The following SUN3 variants were observed in gnomAD, a reference collection of about 807,000 sequenced individuals.
SUN3 encodes Sad1 and UNC84 domain containing 3.
A neutral mutation model predicts 48.2 loss-of-function variants in SUN3; 36 were observed. That is an observed-to-expected ratio of 0.75 (90% CI 0.57 to 0.99). The LOEUF is 0.99. Ranked by LOEUF, SUN3 falls within the 50% of genes least tolerant of loss-of-function variation. The pLI is 0.00. For synonymous variants in SUN3, 148 were observed against 147.9 expected, an observed-to-expected ratio of 1.00 and a Z score of 0.00; for missense variants, 419 against 433.1, an observed-to-expected ratio of 0.97 and a Z score of 0.29.
chr7:47,987,720 G>A (rs1250147682), intron 9 of SUN3, among the ~76,000 whole-genome samples: 1 of 152,070 alleles, frequency 6.6e-6, no homozygotes. Flanking sequence ...TTTTTGTAGA[G>A]ACAGGGTTTT....
upstream of SUN3, among the ~76,000 whole-genome samples, chr7:48,033,212 C>T (rs189073879): frequency 6.6e-6 from 1 of 152,180 alleles, no homozygotes; most frequent in East Asian, 1.9e-4. Context: ...GCATCATTAC[C>T]TACATTCTTG....
chr7:48,017,991 C>T (rs1188246139), intron 2 of SUN3, among the ~76,000 whole-genome samples: 2 of 152,148 alleles, frequency 1.3e-5, no homozygotes, highest in Non-Finnish European at 1.5e-5. Context: ...CAGTCTCTTT[C>T]TGGAAAAAGG....
the SUN3 span, chr7:48,035,391 G>T: frequency 6.5e-6 from 4 of 617,186 alleles, no homozygotes; most frequent in African/African-American, 5.7e-5. This position sits in a 1 kb window ranked among gnomAD's most constrained non-coding sequence, Gnocchi z 4.0. Flanking sequence ...GACAGGCGGC[G>T]CCCGCGCTCC....
intron 9 of SUN3, among the ~76,000 whole-genome samples, chr7:47,987,764 G>A (rs1235499393): frequency 7.9e-5 from 12 of 152,124 alleles, no homozygotes; most frequent in Non-Finnish European, 1.5e-5. Context: ...GAACTCCAGG[G>A]CTCAAATGAT....
intron 3 of SUN3, among the ~76,000 whole-genome samples, chr7:48,014,062 C>A (rs1789747387): frequency 6.6e-6 from 1 of 152,180 alleles, no homozygotes; most frequent in Non-Finnish European, 1.5e-5. Flanking sequence ...ACCTCCCAGG[C>A]TCAAGTGATC....
intron 2 of SUN3, among the ~76,000 whole-genome samples, chr7:48,020,689 A>G (rs921146184): frequency 1.2e-4 from 18 of 152,218 alleles, no homozygotes; most frequent in African/African-American, 4.1e-4. Flanking sequence ...CTCATTTACA[A>G]TAGCCACAAA....
At chr7:48,031,635 T>C (rs931008924), upstream of SUN3, among the ~76,000 whole-genome samples, 4 of 152,220 alleles carry the variant, frequency 2.6e-5, no homozygotes, top group African/African-American at 9.6e-5. Context: ...AAAAACAGTA[T>C]GGAAGTGCCT....
At chr7:47,989,484 A>G (rs1788992370) in intron 8 of SUN3, among the ~76,000 whole-genome samples, 1 of 152,254 alleles carries the variant, frequency 6.6e-6, no homozygotes, top group African/African-American at 2.4e-5. Flanking sequence ...GTGAGAGGAT[A>G]ACGCACTGGT....
chr7:48,026,416 C>T (rs1253312426), intron 1 of SUN3, among the ~76,000 whole-genome samples: 1 of 152,050 alleles, frequency 6.6e-6, no homozygotes. Flanking sequence ...TTTTTTCCTA[C>T]TCTGTGTTGA....
upstream of SUN3, among the ~76,000 whole-genome samples, chr7:48,031,701 T>C (rs1583790449): frequency 2.6e-5 from 4 of 152,200 alleles, no homozygotes; most frequent in South Asian, 8.3e-4. Flanking sequence ...TCTGGGTATA[T>C]ATATCCAAAG....
intron 6 of SUN3, 100 bp from the exon 7 acceptor site, chr7:47,996,246 C>A (rs1343745209): frequency 2.1e-5 from 14 of 655,028 alleles, no homozygotes; most frequent in Non-Finnish European, 2.6e-6. Flanking sequence ...TATTACTGGG[C>A]AAATTATAAG....
intron 6 of SUN3, among the ~76,000 whole-genome samples, chr7:48,001,714 T>A (rs1789382225): frequency 6.6e-6 from 1 of 151,878 alleles, no homozygotes; most frequent in East Asian, 1.9e-4. Flanking sequence ...TTCTTTGTAT[T>A]TTTAGTAGAG....
intron 2 of SUN3, among the ~76,000 whole-genome samples, chr7:48,018,784 T>C (rs2128781357): frequency 6.6e-6 from 1 of 152,116 alleles, no homozygotes; most frequent in South Asian, 2.1e-4. Context: ...TGGCATACGA[T>C]GAAACAGGAA....
rs369779403 is a variant in SUN3, at chr7:48,028,813, C to T, written c.122+4G>A. 30 of 1,613,378 alleles carry T rather than the reference C, an allele frequency of 1.9e-5. No individual in the cohort carries two copies. In the African/African-American group the frequency reaches 2.9e-4, roughly 16 times the overall value. Reference sequence around the variant, plus strand: ...AGGCACACCGTTCTGCCATGTTTACCTACCCATTCGCATCAGGATTTTCGT... The same window carrying T: ...AGGCACACCGTTCTGCCATGTTTACTTACCCATTCGCATCAGGATTTTCGT... On this transcript the variant is annotated splice_donor_region_variant and intron_variant, in intron 1 of 9. Coordinates refer to ENST00000297325, the MANE Select transcript of SUN3 (RefSeq NM_001030019.2).
intron 6 of SUN3, among the ~76,000 whole-genome samples, chr7:48,000,401 G>T (rs1351869505): frequency 1.3e-5 from 2 of 152,168 alleles, no homozygotes; most frequent in African/African-American, 4.8e-5. Flanking sequence ...GCCTCCCAAA[G>T]TGCTGGAATT....
In SUN3 at chr7:48,021,278, T is replaced by C. The variant is rs112813153; in HGVS notation, c.185-3913A>G. ...ATCAAATCAAAATGGATTAAAGGCTTAAATCTAAGACTTTAGACTATGAAA... is the reference window on the plus strand; with the variant it reads ...ATCAAATCAAAATGGATTAAAGGCTCAAATCTAAGACTTTAGACTATGAAA... On this transcript the variant is annotated intron_variant, in intron 2 of 9. Transcript: ENST00000297325. Among the ~76,000 whole-genome samples, 454 of 152,276 alleles carry C rather than the reference T, an allele frequency of 3.0e-3. 7 individuals are homozygous for C. The highest frequency in any genetic ancestry group is 0.01 in the African/African-American group (424 of 41,552).
In SUN3 at chr7:47,988,856, C is replaced by G; in HGVS notation, c.886G>C (p.Glu296Gln). The change falls in exon 9 of 10, where the codon GAA becomes CAA. Residue 296 changes from glutamate (E) to glutamine (Q), a missense_variant. Glu to Gln is a conservative substitution (Grantham distance 29). Transcript: ENST00000297325. ...ATAAACTGACCTAGGAAAATTTCTT[C>G]TCCTTCACATTTTTTTGTGATGCCC... ...VYGITKKCEG[E>Q]EIFLGQFIYN... The G allele has an allele frequency of 6.2e-7, 1 of 1,605,594 alleles. No homozygotes were observed. The highest frequency in any genetic ancestry group is 1.7e-4 in the Middle Eastern group (1 of 6,022).
chr7:48,035,625 G>A, the SUN3 span: 1 of 686,530 alleles, frequency 1.5e-6, no homozygotes, highest in Non-Finnish European at 2.6e-6. This position sits in a 1 kb window ranked among gnomAD's most constrained non-coding sequence, Gnocchi z 4.0. Context: ...GACCCGCGGG[G>A]AGCTGGTGAG....
At chr7:48,028,504 A>T (rs1174887999) in intron 1 of SUN3, among the ~76,000 whole-genome samples, 1 of 151,036 alleles carries the variant, frequency 6.6e-6, no homozygotes, top group Non-Finnish European at 1.5e-5. Context: ...AAAAAAAAAA[A>T]AAAAGTGAAT....
Sources: allele counts gnomAD v4.1 joint callset (sites outside exome capture counted in the v4.1 genomes callset), GRCh38; gene constraint gnomAD v4.1.1; non-coding constraint Gnocchi (gnomAD v3.1); transcripts MANE v1.5; gene names NCBI Gene and HGNC (gene_info 2026-07-23, HGNC 2026-07-21).